The following VCAN variants were observed in gnomAD, a reference collection of about 807,000 sequenced individuals.
VCAN encodes versican, also known as versican core protein.
VCAN carries 44 observed loss-of-function variants against 245.5 expected under a neutral mutation model. That is an observed-to-expected ratio of 0.18 (90% confidence interval 0.14 to 0.23). The LOEUF is 0.23. Among genes scored for constraint, VCAN ranks in the 10% least tolerant of loss-of-function variants. VCAN has a pLI of 1.00. For missense variants in VCAN, 3,793 were observed against 4,057.9 expected (o/e 0.93, Z 1.77); for synonymous variants, 1,413 against 1,437.0 (o/e 0.98, Z 0.38).
chr5:83,476,348 G>A (rs1037591104), intron 1 of VCAN, among the ~76,000 whole-genome samples: 8 of 152,190 alleles, frequency 5.3e-5, no homozygotes, highest in Admixed American at 4.6e-4. Flanking sequence ...CTGTGATGGA[G>A]CAGAACTTCT....
chr5:83,574,565 T>C (rs778371058), intron 13 of VCAN, among the ~76,000 whole-genome samples: 1 of 152,200 alleles, frequency 6.6e-6, no homozygotes, highest in Non-Finnish European at 1.5e-5. Context: ...TTGGGGACTT[T>C]AGATGTTAGG....
intron 2 of VCAN, among the ~76,000 whole-genome samples, chr5:83,484,237 A>G (rs1742815899): frequency 6.6e-6 from 1 of 152,188 alleles, no homozygotes; most frequent in Non-Finnish European, 1.5e-5. Flanking sequence ...TATATTATGC[A>G]TCAGACTCAC....
intron 7 of VCAN, among the ~76,000 whole-genome samples, chr5:83,523,941 C>G (rs765797291): frequency 4.6e-5 from 7 of 152,072 alleles, no homozygotes; most frequent in Non-Finnish European, 1.0e-4. Flanking sequence ...AAGTAAATGA[C>G]TACCAACACT....
chr5:83,574,168 G>A (rs1439075164), intron 13 of VCAN, among the ~76,000 whole-genome samples: 1 of 151,596 alleles, frequency 6.6e-6, no homozygotes, highest in East Asian at 1.9e-4. Flanking sequence ...TTCTCTCTGG[G>A]CCCCTGGCTG....
intron 12 of VCAN, among the ~76,000 whole-genome samples, chr5:83,558,014 C>T (rs2112477165): frequency 6.6e-6 from 1 of 152,216 alleles, no homozygotes; most frequent in Non-Finnish European, 1.5e-5. Context: ...AAGGAATGTC[C>T]CTTAACTTTG....
intron 5 of VCAN, among the ~76,000 whole-genome samples, chr5:83,509,746 C>T (rs1745595911): frequency 6.6e-6 from 1 of 152,216 alleles, no homozygotes; most frequent in African/African-American, 2.4e-5. Flanking sequence ...GCAGCCCTTT[C>T]AGGCCTCAGG....
intron 6 of VCAN, 112 bp downstream of exon 6, chr5:83,512,508 C>T (rs886519649): frequency 3.4e-5 from 45 of 1,307,882 alleles, no homozygotes; most frequent in South Asian, 4.2e-5. Flanking sequence ...AGTGTGTGCA[C>T]GGAATGGAAA....
intron 1 of VCAN, among the ~76,000 whole-genome samples, chr5:83,476,436 A>G (rs1243936527): frequency 6.6e-6 from 1 of 152,256 alleles, no homozygotes; most frequent in Non-Finnish European, 1.5e-5. Context: ...TAGAGAAACC[A>G]GTTAGGACTG....
In VCAN at chr5:83,539,539, A is replaced by T; in HGVS notation, c.6536A>T (p.Asn2179Ile). 3.1e-6 allele frequency: 5 copies of T among 1,614,060 alleles called. No homozygotes were observed. Among genetic ancestry groups the T allele is most frequent in the Non-Finnish European group, 4.2e-6 (5 of 1,179,990 alleles). ...EMKEEDTSLVNMSTPDPDANG... is the reference protein window; with the variant it reads ...EMKEEDTSLVIMSTPDPDANG... ...AAGGAGGAAGACACTTCTTTAGTTA[A>T]CATGTCTACTCCAGATCCAGATGCA... Residue 2179 changes from asparagine (N) to isoleucine (I), a missense_variant, in exon 8 of 15, where the codon AAC (asparagine) becomes ATC (isoleucine). This residue lies in a region of VCAN where 3,182 missense variants were observed against 3,250.3 expected (regional missense o/e 0.98). Transcript: ENST00000265077.
In VCAN at chr5:83,490,190, A is replaced by G; in HGVS notation, c.163A>G (p.Ser55Gly). 1 of 1,614,194 alleles carries G rather than the reference A, an allele frequency of 6.2e-7. No individual in the cohort carries two copies. Among genetic ancestry groups the G allele is most frequent in the Non-Finnish European group, 8.5e-7 (1 of 1,180,038 alleles). ...TTCAACGATGCCTACTTTGCCACCC[A>G]GTTACAACACCAGTGAATTTCTCCG... ...HFSTMPTLPPSYNTSEFLRIK... is the reference protein window; with the variant it reads ...HFSTMPTLPPGYNTSEFLRIK... Residue 55 changes from serine to glycine, a missense_variant, in exon 3 of 15, where the codon AGT (serine) becomes GGT (glycine). Physicochemically the swap from Ser to Gly is moderately conservative, Grantham distance 56. Coordinates refer to ENST00000265077, the MANE Select transcript of VCAN (RefSeq NM_004385.5).
chr5:83,472,396 T>C (rs1744227564), intron 1 of VCAN, among the ~76,000 whole-genome samples: 1 of 151,644 alleles, frequency 6.6e-6, no homozygotes, highest in African/African-American at 2.4e-5. Flanking sequence ...GATTTTTTTG[T>C]TGTTGTTGTT....
chr5:83,486,711 T>C (rs11749904), intron 2 of VCAN, among the ~76,000 whole-genome samples: 39,380 of 152,216 alleles, frequency 0.26, 6,371 homozygotes, highest in Non-Finnish European at 0.37. Context: ...ACAACAATAA[T>C]TTTGATAGCC....
intron 12 of VCAN, among the ~76,000 whole-genome samples, chr5:83,566,453 C>T (rs1180268040): frequency 1.3e-5 from 2 of 152,108 alleles, no homozygotes; most frequent in Non-Finnish European, 2.9e-5. Context: ...AAAGATATCT[C>T]TGAATGACAG....
At chr5:83,536,822 T>A in intron 7 of VCAN, 185 bp from the exon 8 acceptor site, 1 of 516,368 alleles carries the variant, frequency 1.9e-6, no homozygotes, top group Non-Finnish European at 3.4e-6. Context: ...TCATTTTTCT[T>A]ATTGTTAATA....
At chr5:83,567,861 T>C (rs760267048) in intron 12 of VCAN, among the ~76,000 whole-genome samples, 39 of 152,302 alleles carry the variant, frequency 2.6e-4, no homozygotes, top group Middle Eastern at 3.4e-3. Context: ...ATTCTTAGTT[T>C]GCACATTCAG....
In VCAN at chr5:83,541,437, T is replaced by C. The variant is rs896942229; in HGVS notation, c.8434T>C (p.Leu2812=). 1.2e-6 allele frequency: 2 copies of C among 1,614,054 alleles called. No homozygotes were observed. The highest frequency in any genetic ancestry group is 1.7e-6 in the Non-Finnish European group (2 of 1,179,994). The change falls in exon 8 of 15, where the codon TTA becomes CTA. Residue 2812 remains leucine, a synonymous_variant. Transcript: ENST00000265077. ...TCCCCCATATTACACTGATACAACATTAGCAGTTTCAACATTTGCGAAGTT... is the reference window on the plus strand; with the variant it reads ...TCCCCCATATTACACTGATACAACACTAGCAGTTTCAACATTTGCGAAGTT... ...SNPPYYTDTT[L]AVSTFAKLSS...
chr5:83,541,114 C>A lies in VCAN; in HGVS notation c.8111C>A (p.Pro2704Gln). Residue 2704 changes from proline to glutamine, a missense_variant, in exon 8 of 15, where the codon CCA (proline) becomes CAA (glutamine). Pro to Gln is a moderately conservative substitution (Grantham distance 76). Around this residue, in one of 5 missense-constraint regions of VCAN, gnomAD observed 3,182 missense variants for 3,250.3 expected, o/e 0.98. Coordinates refer to ENST00000265077, the MANE Select transcript of VCAN (RefSeq NM_004385.5). The stretch of plus-strand genomic sequence containing the variant: ...CCTCGTAAGTCTGCCACAGTTATTC[C>A]AGAGATTGAAGGAATAAAAGCTGAA... ...PIPRKSATVI[P>Q]EIEGIKAEAK... 1 of 1,614,120 alleles carries A rather than the reference C, an allele frequency of 6.2e-7. No homozygotes were observed. Among genetic ancestry groups the A allele is most frequent in the Non-Finnish European group, 8.5e-7 (1 of 1,180,006 alleles).
At chr5:83,580,279 CT>C (rs757849902) in intron 14 of VCAN, 27 bp from the exon 15 acceptor site, 1 of 1,613,504 alleles carries the variant, frequency 6.2e-7, no homozygotes, top group Non-Finnish European at 8.5e-7. Context: ...TGTGTGTTTT[CT>C]TTTTTTCTTT....
At chr5:83,510,249 T>C (rs1745610706) in intron 5 of VCAN, among the ~76,000 whole-genome samples, 1 of 152,228 alleles carries the variant, frequency 6.6e-6, no homozygotes, top group Non-Finnish European at 1.5e-5. Context: ...TTGGCCTACT[T>C]TCCTCAATAG....
Sources: allele counts gnomAD v4.1 joint callset (sites outside exome capture counted in the v4.1 genomes callset), GRCh38; gene constraint gnomAD v4.1.1; regional missense constraint gnomAD v4.1.1; transcripts MANE v1.5; gene names NCBI Gene and HGNC (gene_info 2026-07-23, HGNC 2026-07-21).